Variants in NELL1 observed in about 807,000 individuals in gnomAD.
NELL1 encodes protein kinase C-binding protein NELL1.
NELL1 carries 76 observed loss-of-function variants against 107.4 expected under a neutral mutation model. That is an observed-to-expected ratio of 0.71 (90% CI 0.59 to 0.86). NELL1 has a LOEUF of 0.86. NELL1 is among the 40% of genes least tolerant of loss of function. The pLI is 0.00. For synonymous variants in NELL1, 353 were observed against 341.2 expected (o/e 1.03, Z -0.38); for missense variants, 1,024 against 1,005.5 (o/e 1.02, Z -0.25).
intron 12 of NELL1, among the ~76,000 whole-genome samples, chr11:21,104,823 C>T (rs1274446638): frequency 6.6e-6 from 1 of 152,158 alleles, no homozygotes; most frequent in Non-Finnish European, 1.5e-5. Flanking sequence ...GTTATTTTCT[C>T]ACATCTCTGG....
At chr11:20,997,790 A>C (rs1219877692) in intron 12 of NELL1, among the ~76,000 whole-genome samples, 1 of 152,022 alleles carries the variant, frequency 6.6e-6, no homozygotes, top group African/African-American at 2.4e-5. Context: ...CCTGGGTAAC[A>C]TAGCAAGACC....
intron 14 of NELL1, among the ~76,000 whole-genome samples, chr11:21,265,807 G>A (rs905487882): frequency 2.6e-5 from 4 of 151,864 alleles, no homozygotes; most frequent in Non-Finnish European, 5.9e-5. Context: ...TCTGAGCCTT[G>A]TATTTTTATT....
chr11:21,506,554 T>C (rs11601721), intron 15 of NELL1, among the ~76,000 whole-genome samples: 28,265 of 152,228 alleles, frequency 0.19, 2,724 homozygotes, highest in East Asian at 0.28. Context: ...GACTTGGGGC[T>C]TCAGTTTCCT....
Position 21,499,213 on chromosome 11 carries a change from ACT to A in NELL1, c.1646-35158_1646-35157del, listed in dbSNP as rs749717783. Among the ~76,000 whole-genome samples the A allele has an allele frequency of 2.1e-3, 321 of 151,964 alleles. 1 individual carries two copies. Among genetic ancestry groups the A allele is most frequent in the African/African-American group, 7.5e-3 (312 of 41,498 alleles). ...TATACAATTTTTTGTATGTTATTAAACTCTGTAATACATTGTAAAATTTACTT... is the reference window on the plus strand; with the variant it reads ...TATACAATTTTTTGTATGTTATTAAACTGTAATACATTGTAAAATTTACTT... On this transcript the variant is annotated intron_variant, in intron 15 of 19. Transcript: ENST00000357134.
intron 3 of NELL1, among the ~76,000 whole-genome samples, chr11:20,817,724 T>C (rs1017152712): frequency 4.0e-5 from 6 of 151,890 alleles, no homozygotes; most frequent in East Asian, 1.9e-4. Context: ...CTAGCTGTTA[T>C]GTTAATTGTT....
chr11:21,289,617 T>A (rs758654540), intron 14 of NELL1, among the ~76,000 whole-genome samples: 11 of 151,430 alleles, frequency 7.3e-5, no homozygotes, highest in Non-Finnish European at 1.0e-4. Flanking sequence ...ACTGAAGGAG[T>A]TTTTTTTCAT....
intron 15 of NELL1, among the ~76,000 whole-genome samples, chr11:21,422,093 ATATGTGTGTGTGTG>A (rs1307504405): frequency 1.2e-4 from 11 of 90,716 alleles, no homozygotes; most frequent in Admixed American, 2.7e-4. Context: ...ACATTTACAC[ATATGTGTGTGTGTG>A]TGTGTGTGTG....
chr11:21,300,327 G>C (rs546813079), intron 14 of NELL1, among the ~76,000 whole-genome samples: 1 of 152,084 alleles, frequency 6.6e-6, no homozygotes, highest in East Asian at 1.9e-4. Flanking sequence ...GAATATTACA[G>C]AGGAGAAGGA....
At chr11:21,154,281 T>A (rs1327508422) in intron 13 of NELL1, among the ~76,000 whole-genome samples, 1 of 152,150 alleles carries the variant, frequency 6.6e-6, no homozygotes, top group African/African-American at 2.4e-5. Context: ...CAAAAGTAAA[T>A]ACACACATCT....
At chr11:20,818,488 C>T (rs1381822576) in intron 3 of NELL1, among the ~76,000 whole-genome samples, 2 of 145,794 alleles carry the variant, frequency 1.4e-5, no homozygotes, top group Non-Finnish European at 3.0e-5. Flanking sequence ...CAAAGTCATA[C>T]AGATAGAAAA....
At chr11:21,558,512 G>C (rs1213019765) in intron 16 of NELL1, among the ~76,000 whole-genome samples, 1 of 151,818 alleles carries the variant, frequency 6.6e-6, no homozygotes, top group Admixed American at 6.6e-5. Flanking sequence ...TGACAATAGA[G>C]CTTCTTGAAT....
intron 15 of NELL1, among the ~76,000 whole-genome samples, chr11:21,418,872 C>G (rs1219708054): frequency 6.6e-6 from 1 of 152,062 alleles, no homozygotes; most frequent in African/African-American, 2.4e-5. Flanking sequence ...AGGTTTAGAG[C>G]ACACTTGCAT....
chr11:21,563,741 T>C (rs1425121113), intron 17 of NELL1, among the ~76,000 whole-genome samples: 1 of 151,768 alleles, frequency 6.6e-6, no homozygotes, highest in East Asian at 2.0e-4. Context: ...CTTGAACCAA[T>C]CCCCCAGAGA....
chr11:20,868,616 T>C (rs910170172), intron 4 of NELL1, among the ~76,000 whole-genome samples: 9 of 151,996 alleles, frequency 5.9e-5, no homozygotes, highest in Admixed American at 1.3e-4. Flanking sequence ...AATGGGTGAA[T>C]TGTACATGAA....
At chr11:20,786,916 G>C (rs952678819) in intron 3 of NELL1, among the ~76,000 whole-genome samples, 2 of 144,132 alleles carry the variant, frequency 1.4e-5, no homozygotes, top group Admixed American at 1.5e-4. Context: ...GCTGAGGCAG[G>C]AGAATGGTAT....
chr11:20,760,154 T>C (rs535265374), intron 2 of NELL1, among the ~76,000 whole-genome samples: 1 of 152,334 alleles, frequency 6.6e-6, no homozygotes, highest in South Asian at 2.1e-4. Flanking sequence ...CTTACAGCTA[T>C]AGCACTGGGC....
At chr11:21,197,679 T>G (rs973904594) in intron 13 of NELL1, among the ~76,000 whole-genome samples, 1 of 152,216 alleles carries the variant, frequency 6.6e-6, no homozygotes, top group Admixed American at 6.5e-5. Flanking sequence ...TGAAGACTAC[T>G]GAGTAAAGGC....
chr11:21,530,498 G>T (rs527916655), intron 15 of NELL1, among the ~76,000 whole-genome samples: 95 of 152,098 alleles, frequency 6.2e-4, no homozygotes, highest in Non-Finnish European at 1.1e-3. Context: ...AACAAACCTT[G>T]GGTATTCGTC....
At chr11:21,333,273 GCAGTCA>G (rs59146323) in intron 14 of NELL1, among the ~76,000 whole-genome samples, 29,968 of 151,810 alleles carry the variant, frequency 0.2, 3,303 homozygotes, top group South Asian at 0.25. Context: ...GGCCAGACTT[GCAGTCA>G]GAAAGACCTA....
Sources: allele counts gnomAD v4.1 joint callset (sites outside exome capture counted in the v4.1 genomes callset), GRCh38; gene constraint gnomAD v4.1.1; transcripts MANE v1.5; gene names NCBI Gene and HGNC (gene_info 2026-07-23, HGNC 2026-07-21).